The following CALR3 variants were observed in gnomAD, a reference collection of about 807,000 sequenced individuals.
CALR3 encodes the protein calreticulin-3.
CALR3 carries 39 observed loss-of-function variants against 48.7 expected under a neutral mutation model. That is an observed-to-expected ratio of 0.80 (90% CI 0.62 to 1.05). The LOEUF is 1.05. Among genes scored for constraint, CALR3 ranks in the 50% least tolerant of loss-of-function variants. The pLI, the probability that CALR3 is intolerant of heterozygous loss-of-function variation, is 0.00. For missense variants in CALR3, 449 were observed against 474.7 expected, an observed-to-expected ratio of 0.95 and a Z score of 0.50; for synonymous variants, 185 against 172.7, an observed-to-expected ratio of 1.07 and a Z score of -0.56.
intron 8 of CALR3, among the ~76,000 whole-genome samples, chr19:16,479,612 A>G (rs1013864524): frequency 1.3e-5 from 2 of 150,786 alleles, no homozygotes; most frequent in African/African-American, 4.9e-5. Context: ...AGCAAAAATT[A>G]GCTGGGCGTG....
intron 2 of CALR3, among the ~76,000 whole-genome samples, chr19:16,493,108 T>C (rs950996659): frequency 9.2e-5 from 14 of 152,208 alleles, no homozygotes; most frequent in Admixed American, 6.6e-4. Context: ...GTGTAACCTC[T>C]GCTTCTTAAA....
chr19:16,481,495 ATGAAG>A (rs1268436659), intron 7 of CALR3, among the ~76,000 whole-genome samples: 1 of 100,976 alleles, frequency 9.9e-6, no homozygotes, highest in Non-Finnish European at 1.8e-5. Context: ...TTTTTTTGAG[ATGAAG>A]TGAAGTCTCA....
chr19:16,489,978 C>A (rs2093395291), intron 3 of CALR3, among the ~76,000 whole-genome samples: 1 of 152,188 alleles, frequency 6.6e-6, no homozygotes, highest in African/African-American at 2.4e-5. Context: ...CTCATCAGAG[C>A]ATTGTGGATT....
chr19:16,479,378 G>A (rs936993550), intron 8 of CALR3, 104 bp from the exon 9 acceptor site: 7 of 1,254,196 alleles, frequency 5.6e-6, no homozygotes, highest in African/African-American at 3.0e-5. Context: ...GAAGTCAGGA[G>A]ATCGAGACCA....
At position 16,484,098 on chromosome 19, in the gene CALR3, G is replaced by T; in HGVS notation, c.510C>A (p.His170Gln). The T allele has an allele frequency of 6.2e-7, 1 of 1,613,750 alleles. No homozygotes were observed. The highest frequency in any genetic ancestry group is 8.5e-7 in the Non-Finnish European group (1 of 1,179,946). Reference protein sequence around the residue: ...LIRCKVDGFTHLYTLILRPDL... With the variant: ...LIRCKVDGFTQLYTLILRPDL... ...CTGGTCTTAAAATTAGAGTGTACAG[G>T]TGTGTGAAGCCATCAACCTGCATAT... Residue 170 changes from histidine (H) to glutamine (Q), a missense_variant, in exon 5 of 9, where the codon CAC becomes CAA. By Grantham distance (24) the His-to-Gln change is conservative (BLOSUM62 0). Coordinates refer to ENST00000269881, the MANE Select transcript of CALR3 (RefSeq NM_145046.5).
chr19:16,486,532 A>G (rs1177098675), intron 3 of CALR3, among the ~76,000 whole-genome samples: 1 of 150,724 alleles, frequency 6.6e-6, no homozygotes, highest in Non-Finnish European at 1.5e-5. Flanking sequence ...AGGCAGGAGA[A>G]TGGCTTGAAC....
At chr19:16,480,373 G>A (rs761704466) in intron 8 of CALR3, among the ~76,000 whole-genome samples, 10 of 151,748 alleles carry the variant, frequency 6.6e-5, no homozygotes, top group Non-Finnish European at 1.5e-4. Context: ...ACAATATGGT[G>A]AAACCCCCTC....
rs1450853398 is a variant in CALR3 at position 16,479,302 on chromosome 19, C to T, written c.1012-28G>A. ...GGAGAAAGAAAGAAAAAACATAAGC[C>T]CCACCGGGTGCGATGGCTCGTGCCT... On this transcript the variant is annotated intron_variant, in intron 8 of 8. Transcript: ENST00000269881. 1.9e-6 allele frequency: 3 copies of T among 1,613,200 alleles called. No individual in the cohort carries two copies. In the African/African-American group the frequency reaches 4.0e-5, roughly 22 times the overall value.
At position 16,485,162 on chromosome 19, in the gene CALR3, C is replaced by G; in HGVS notation, c.492+1G>C. On this transcript the variant is annotated splice_donor_variant, in intron 4 of 8. Transcript: ENST00000269881. LOFTEE classifies it high-confidence loss of function. The stretch of plus-strand genomic sequence containing the variant: ...ATTTATTTGAATACAAGAGCAGTTA[C>G]CTTACACCTGATCAGTTTCTTGTTT... 1.3e-6 allele frequency: 2 copies of G among 1,582,334 alleles called. No homozygotes were observed. Among genetic ancestry groups the G allele is most frequent in the Non-Finnish European group, 1.7e-6 (2 of 1,151,326 alleles).
intron 4 of CALR3, 63 bp from the exon 5 acceptor site, chr19:16,484,178 CTT>C (rs71334622): frequency 0.023 from 23,753 of 1,035,302 alleles, no homozygotes; most frequent in Middle Eastern, 0.026. Flanking sequence ...CTTTTCTTTT[CTT>C]TTTTTTTTTT....
chr19:16,492,557 C>T (rs989229416), intron 2 of CALR3, among the ~76,000 whole-genome samples: 1 of 151,436 alleles, frequency 6.6e-6, no homozygotes, highest in African/African-American at 2.4e-5. Flanking sequence ...ATGGAGAAAC[C>T]CTGTCTCTAC....
At chr19:16,490,663 A>G in intron 2 of CALR3, 93 bp from the exon 3 acceptor site, 5 of 1,111,100 alleles carry the variant, frequency 4.5e-6, no homozygotes, top group Non-Finnish European at 5.5e-6. Context: ...ACTCCCAAAC[A>G]TAAATGTCCT....
chr19:16,486,260 G>C (rs1481405080), intron 3 of CALR3, among the ~76,000 whole-genome samples: 1 of 151,756 alleles, frequency 6.6e-6, no homozygotes, highest in South Asian at 2.1e-4. Flanking sequence ...AGGTTGCAGT[G>C]AGCTGAGATC....
chr19:16,482,590 A>C lies in CALR3; in HGVS notation c.787-9T>G. On this transcript the variant is annotated splice_polypyrimidine_tract_variant and intron_variant, in intron 6 of 8. Coordinates refer to ENST00000269881, the MANE Select transcript of CALR3 (RefSeq NM_145046.5). ...TCTGGTTTCAGGCCATCCTGTATCA[A>C]AAAAACCATATGGGGTGGTCTCAAT... is the stretch of plus-strand genomic sequence containing the variant. The C allele has an allele frequency of 6.2e-7, 1 of 1,614,174 alleles. No individual in the cohort carries two copies. Among genetic ancestry groups the C allele is most frequent in the South Asian group, 1.1e-5 (1 of 91,082 alleles).
Position 16,495,217 on chromosome 19 carries a change from C to T in CALR3, c.193+534G>A, listed in dbSNP as rs551374240. Among the ~76,000 whole-genome samples the T allele has an allele frequency of 6.5e-5, 8 of 122,776 alleles. No individual in the cohort carries two copies. In the East Asian group the frequency reaches 1.9e-3, roughly 28 times the overall value. The allele number at this position is 122,776 out of a possible 152,430, so 80.5% of individuals were successfully genotyped here. A position where few individuals can be genotyped will look rare whatever the true frequency, so the allele number is the denominator to read the frequency against. On this transcript the variant is annotated intron_variant, in intron 2 of 8. Coordinates refer to ENST00000269881, the MANE Select transcript of CALR3 (RefSeq NM_145046.5). The stretch of plus-strand genomic sequence containing the variant: ...CTCTAGCCTAGGCGACAGAGCGAGA[C>T]TCCTACTACCAAAAAAAAAAAAAAA...
chr19:16,482,644 G>A (rs2093382913), intron 6 of CALR3, 34 bp downstream of exon 6: 1 of 1,614,042 alleles, frequency 6.2e-7, no homozygotes, highest in East Asian at 2.2e-5. Flanking sequence ...GCAGCCCTGG[G>A]GCATCCCTGG....
intron 3 of CALR3, 139 bp from the exon 4 acceptor site, chr19:16,485,396 G>A (rs931002070): frequency 1.4e-5 from 9 of 632,224 alleles, no homozygotes; most frequent in Admixed American, 4.9e-5. Flanking sequence ...CTTGGCTCAC[G>A]GAAACTTCTG....
rs560209221 is a variant in CALR3, at chr19:16,480,500, C to T, written c.1011+114G>A. 2.3e-4 allele frequency: 164 copies of T among 725,934 alleles called. No individual in the cohort carries two copies. The African/African-American group carries it at 2.4e-3, about 11-fold the overall frequency. 45.0% of individuals were successfully genotyped at this position (725,934 alleles called of 1,614,324 possible). A position where few individuals can be genotyped will look rare whatever the true frequency, so the allele number is the denominator to read the frequency against. On this transcript the variant is annotated intron_variant, in intron 8 of 8. Transcript: ENST00000269881. Reference sequence around the variant, plus strand: ...CCGGGAGGTGGAGGTTGCAGTGAGCCGAGACTATGCCACTACATTACAGCC... The same window carrying T: ...CCGGGAGGTGGAGGTTGCAGTGAGCTGAGACTATGCCACTACATTACAGCC...
chr19:16,485,266 A>G lies in CALR3; in HGVS notation c.398-9T>C, dbSNP rs1344157973. On this transcript the variant is annotated splice_polypyrimidine_tract_variant and intron_variant, in intron 3 of 8. Transcript: ENST00000269881. Reference sequence around the variant, plus strand: ...TCCACAAATATCGGGTCCTACAAAAAAGATTAGCTGCTCTCAATTTCTTTC... The same window carrying G: ...TCCACAAATATCGGGTCCTACAAAAGAGATTAGCTGCTCTCAATTTCTTTC... The G allele has an allele frequency of 5.8e-5, 89 of 1,542,862 alleles. No individual in the cohort carries two copies. The highest frequency in any genetic ancestry group is 7.9e-5 in the Non-Finnish European group (88 of 1,115,914).
Sources: allele counts gnomAD v4.1 joint callset (sites outside exome capture counted in the v4.1 genomes callset), GRCh38; gene constraint gnomAD v4.1.1; transcripts MANE v1.5; gene names NCBI Gene and HGNC (gene_info 2026-07-23, HGNC 2026-07-21).